Variants in ANKRD27 observed in about 807,000 individuals in gnomAD.
ANKRD27 encodes ankyrin repeat domain-containing protein 27.
ANKRD27 carries 112 observed loss-of-function variants against 129.7 expected under a neutral mutation model. The observed-to-expected ratio is 0.86, with a 90% CI of 0.74 to 1.01. ANKRD27 has a LOEUF of 1.01. ANKRD27 is among the 50% of genes least tolerant of loss of function. ANKRD27 has a pLI of 0.00. For synonymous variants in ANKRD27, 516 were observed against 511.2 expected (o/e 1.01, Z -0.13); for missense variants, 1,258 against 1,300.5 (o/e 0.97, Z 0.50).
intron 6 of ANKRD27, 28 bp from the exon 7 acceptor site, chr19:32,643,512 G>A (rs1233679437): frequency 1.2e-6 from 2 of 1,613,864 alleles, no homozygotes; most frequent in East Asian, 4.5e-5. Context: ...CACAGTGAAA[G>A]GGCTTGGATT....
intron 12 of ANKRD27, among the ~76,000 whole-genome samples, chr19:32,634,079 A>C (rs1018257752): frequency 2.1e-4 from 32 of 152,150 alleles, no homozygotes; most frequent in African/African-American, 7.7e-4. Flanking sequence ...TTGCAGAGAA[A>C]ATTTCCATGA....
chr19:32,647,987 C>T (rs1008592058), intron 3 of ANKRD27, among the ~76,000 whole-genome samples: 3 of 152,172 alleles, frequency 2.0e-5, no homozygotes, highest in Non-Finnish European at 2.9e-5. Flanking sequence ...GGATCCAGGC[C>T]GGGTGCAGTG....
intron 1 of ANKRD27, among the ~76,000 whole-genome samples, chr19:32,672,343 T>C (rs1967887674): frequency 6.6e-6 from 1 of 152,214 alleles, no homozygotes; most frequent in African/African-American, 2.4e-5. Context: ...TCCTGACCTA[T>C]AACATTTAGA....
At chr19:32,631,599 C>T in intron 12 of ANKRD27, 105 bp from the exon 13 acceptor site, 5 of 871,654 alleles carry the variant, frequency 5.7e-6, no homozygotes, top group Admixed American at 2.1e-5. Context: ...GTATCGGCTG[C>T]GCCTCTCTCC....
At chr19:32,671,458 G>A (rs899373710) in intron 1 of ANKRD27, among the ~76,000 whole-genome samples, 10 of 152,188 alleles carry the variant, frequency 6.6e-5, no homozygotes, top group Non-Finnish European at 1.3e-4. Flanking sequence ...AGCATTTTGG[G>A]AGGCCAAAGC....
chr19:32,599,336 G>T (rs978535939), intron 28 of ANKRD27, among the ~76,000 whole-genome samples: 2 of 151,546 alleles, frequency 1.3e-5, no homozygotes, highest in Non-Finnish European at 2.9e-5. Context: ...AATTGTCTGA[G>T]CAACTGTACA....
At position 32,643,643 on chromosome 19, in the gene ANKRD27, A is replaced by G; in HGVS notation, c.526-12T>C. 1.2e-6 allele frequency: 2 copies of G among 1,613,868 alleles called. No homozygotes were observed. The highest frequency in any genetic ancestry group is 1.7e-6 in the Non-Finnish European group (2 of 1,180,002). On this transcript the variant is annotated splice_polypyrimidine_tract_variant and intron_variant, in intron 5 of 28. Transcript: ENST00000306065. ...GCATTCGCTGAGTCCTAAACCACAT[A>G]GAGCAGAGGGACAGGCCACCCTTAC...
Position 32,631,605 on chromosome 19 carries a change from T to C in ANKRD27, c.1117-111A>G, listed in dbSNP as rs762347316. 63 of 820,040 alleles carry C rather than the reference T, an allele frequency of 7.7e-5. 1 individual carries two copies. Among genetic ancestry groups the C allele is most frequent in the Non-Finnish European group, 1.2e-4 (59 of 497,890 alleles). 50.8% of individuals were successfully genotyped at this position (820,040 alleles called of 1,614,324 possible). On this transcript the variant is annotated intron_variant, in intron 12 of 28. Transcript: ENST00000306065. ...TTCAGAGCAGTATCGGCTGCGCCTC[T>C]CTCCCGTCTCATATGGGACCTGCTC...
intron 17 of ANKRD27, 61 bp downstream of exon 17, chr19:32,625,813 G>A (rs772550543): frequency 3.9e-5 from 51 of 1,323,106 alleles, no homozygotes; most frequent in East Asian, 7.9e-5. Flanking sequence ...GAGAAATCCC[G>A]ACTTCTCTAC....
intron 14 of ANKRD27, 62 bp from the exon 15 acceptor site, chr19:32,628,227 A>G: frequency 1.4e-6 from 2 of 1,413,544 alleles, no homozygotes; most frequent in Non-Finnish European, 2.0e-6. Context: ...CCTCTCCCTG[A>G]CCAGGTAGAT....
intron 16 of ANKRD27, 118 bp downstream of exon 16, chr19:32,626,594 G>A (rs1319247388): frequency 1.5e-5 from 11 of 719,558 alleles, no homozygotes; most frequent in Admixed American, 2.9e-5. Context: ...GTGGAACGAG[G>A]GGGGCACAGC....
In ANKRD27 at chr19:32,622,588, T is replaced by TCCACGTCGTAGTAA. The variant is rs1179890016; in HGVS notation, c.1647_1660dup (p.Glu554ValfsTer33). 1 of 1,613,936 alleles carries TCCACGTCGTAGTAA rather than the reference T, an allele frequency of 6.2e-7. No individual in the cohort carries two copies. Among genetic ancestry groups the TCCACGTCGTAGTAA allele is most frequent in the Non-Finnish European group, 8.5e-7 (1 of 1,180,026 alleles). On this transcript the variant is annotated frameshift_variant, in exon 18 of 29. Transcript: ENST00000306065. LOFTEE classifies it high-confidence loss of function. ...ATTGCCAATGTCAAGTCTGCACGACTCCACGTCGTAGTAAACCAGAGCCTT... is the reference window on the plus strand; with the variant it reads ...ATTGCCAATGTCAAGTCTGCACGACTCCACGTCGTAGTAACCACGTCGTAGTAAACCAGAGCCTT...
intron 2 of ANKRD27, among the ~76,000 whole-genome samples, chr19:32,651,041 G>T (rs938271579): frequency 1.3e-5 from 2 of 151,746 alleles, no homozygotes; most frequent in Non-Finnish European, 2.9e-5. Context: ...CACTGTGCCT[G>T]GTCCATTGTA....
intron 28 of ANKRD27, 64 bp from the exon 29 acceptor site, chr19:32,598,442 A>G: frequency 2.0e-6 from 3 of 1,498,742 alleles, no homozygotes; most frequent in Non-Finnish European, 2.8e-6. Flanking sequence ...CAACCATGAC[A>G]GTGACAGCTG....
intron 17 of ANKRD27, among the ~76,000 whole-genome samples, chr19:32,624,051 T>C (rs1972053165): frequency 6.6e-6 from 1 of 152,052 alleles, no homozygotes. Flanking sequence ...CAACACACGA[T>C]AGATCACTGC....
chr19:32,632,702 G>A (rs765699370), intron 12 of ANKRD27, among the ~76,000 whole-genome samples: 28 of 151,804 alleles, frequency 1.8e-4, no homozygotes, highest in Non-Finnish European at 3.8e-4. Context: ...ACCATGTAAT[G>A]ACAAATTCGC....
chr19:32,613,400 T>C (rs867973013), intron 22 of ANKRD27, among the ~76,000 whole-genome samples: 29 of 152,314 alleles, frequency 1.9e-4, no homozygotes, highest in Admixed American at 4.6e-4. Flanking sequence ...GGAATTGCCA[T>C]GCAATGACCA....
chr19:32,614,363 G>T (rs528570244), intron 22 of ANKRD27, among the ~76,000 whole-genome samples: 10 of 152,280 alleles, frequency 6.6e-5, no homozygotes, highest in African/African-American at 2.4e-4. Flanking sequence ...AAGCAGTTTA[G>T]TGTTCTGTCT....
At chr19:32,623,641 C>G (rs1438001654) in intron 17 of ANKRD27, among the ~76,000 whole-genome samples, 1 of 151,812 alleles carries the variant, frequency 6.6e-6, no homozygotes, top group African/African-American at 2.4e-5. Context: ...CCTCCGCCTC[C>G]TAGTTCAAGT....
Sources: gnomAD v4.1 joint callset for allele counts (sites outside exome capture counted in the v4.1 genomes callset) on GRCh38, gnomAD v4.1.1 for gene constraint, MANE v1.5 for transcripts, NCBI Gene and HGNC (gene_info 2026-07-23, HGNC 2026-07-21) for gene names.